ATRX: variants seen among roughly 807,000 people sequenced by gnomAD.
ATRX encodes ATRX chromatin remodeler.
A neutral mutation model predicts 172.6 loss-of-function variants in ATRX; 12 were observed. The observed-to-expected ratio is 0.07, with a 90% CI of 0.04 to 0.11. ATRX has a LOEUF of 0.11. ATRX is among the 10% of genes least tolerant of loss of function. The pLI is 1.00. For missense variants in ATRX, 1,368 were observed against 1,767.4 expected, an observed-to-expected ratio of 0.77 and a Z score of 4.05; for synonymous variants, 674 against 594.7, an observed-to-expected ratio of 1.13 and a Z score of -1.94.
intron 10 of ATRX, among the ~76,000 whole-genome samples, chrX:77,672,574 C>T (rs2070680995): frequency 2.7e-5 from 3 of 109,834 alleles, no homozygotes; most frequent in African/African-American, 9.9e-5. Flanking sequence ...AAATTATCAT[C>T]AAATGATACA....
intron 16 of ATRX, 113 bp downstream of exon 16, chrX:77,635,801 AC>A (rs2068320546): frequency 1.5e-6 from 1 of 669,436 alleles, no homozygotes; most frequent in East Asian, 3.5e-5. Context: ...TGGATTCCCC[AC>A]CCCACTCACC....
At chrX:77,663,834 G>A (rs1236204926) in intron 11 of ATRX, among the ~76,000 whole-genome samples, 2 of 111,651 alleles carry the variant, frequency 1.8e-5, no homozygotes, top group Admixed American at 1.9e-4. Flanking sequence ...GGGTGCAGTG[G>A]CTCACACCTG....
intron 1 of ATRX, among the ~76,000 whole-genome samples, chrX:77,775,400 T>G (rs2076312708): frequency 9.0e-6 from 1 of 111,665 alleles, no homozygotes; most frequent in Non-Finnish European, 1.9e-5. Context: ...AACAATCACA[T>G]GGCCAGGTTT....
chrX:77,718,880 C>T (rs891818928), intron 1 of ATRX, among the ~76,000 whole-genome samples: 1 of 111,340 alleles, frequency 9.0e-6, no homozygotes, highest in Non-Finnish European at 1.9e-5. Context: ...GCAATCCTCC[C>T]GCCTCAGCAT....
At position 77,615,962 on chromosome X, in the gene ATRX, G is replaced by A. The variant is rs45454595; in HGVS notation, c.5566+651C>T. 61 of 750,988 alleles carry A rather than the reference G, an allele frequency of 8.1e-5. No individual in the cohort carries two copies. In the African/African-American group the frequency reaches 1.4e-3, roughly 17 times the overall value. The allele number at this position is 750,988 out of a possible 1,213,427, so 61.9% of individuals were successfully genotyped here. On this transcript the variant is annotated intron_variant, in intron 22 of 34. Coordinates refer to ENST00000373344, the MANE Select transcript of ATRX (RefSeq NM_000489.6). ...GTAAGAAATCTCACTCCAGTCCAAAGATTAGGTTTTGTTGTGTGAAGACAG... is the reference window on the plus strand; with the variant it reads ...GTAAGAAATCTCACTCCAGTCCAAAAATTAGGTTTTGTTGTGTGAAGACAG...
intron 25 of ATRX, among the ~76,000 whole-genome samples, chrX:77,597,184 G>C (rs1420418114): frequency 9.1e-6 from 1 of 110,244 alleles, no homozygotes; most frequent in East Asian, 2.8e-4. Flanking sequence ...CTGTTTTATG[G>C]GGTAACAGAA....
At chrX:77,707,860 A>C (rs1228313797) in intron 2 of ATRX, among the ~76,000 whole-genome samples, 3 of 112,321 alleles carry the variant, frequency 2.7e-5, no homozygotes, top group Non-Finnish European at 3.8e-5. Flanking sequence ...GGCAGTTGAA[A>C]ACTAAAATCA....
At chrX:77,678,005 G>A (rs567465193) in intron 9 of ATRX, among the ~76,000 whole-genome samples, 1 of 110,859 alleles carries the variant, frequency 9.0e-6, no homozygotes, top group African/African-American at 3.3e-5. Context: ...TCAGGAGCTC[G>A]AGGCCAGCCT....
At chrX:77,528,920 A>G (rs1232983005) in intron 30 of ATRX, among the ~76,000 whole-genome samples, 1 of 112,252 alleles carries the variant, frequency 8.9e-6, no homozygotes, top group Non-Finnish European at 1.9e-5. Flanking sequence ...AATCACGATA[A>G]AACAATACAG....
intron 19 of ATRX, among the ~76,000 whole-genome samples, chrX:77,621,848 AAAC>A (rs1468398856): frequency 1.2e-3 from 128 of 108,840 alleles, no homozygotes; most frequent in South Asian, 7.1e-3. Flanking sequence ...TAGTAAAAAA[AAAC>A]AACAACAACA....
At chrX:77,564,050 T>A (rs782779054) in intron 28 of ATRX, among the ~76,000 whole-genome samples, 1 of 111,323 alleles carries the variant, frequency 9.0e-6, no homozygotes, top group South Asian at 3.8e-4. Flanking sequence ...CCTCAATGGG[T>A]AGGATGATGC....
At chrX:77,783,499 C>G (rs924046876) in intron 1 of ATRX, among the ~76,000 whole-genome samples, 4 of 111,705 alleles carry the variant, frequency 3.6e-5, no homozygotes, top group African/African-American at 1.3e-4. Flanking sequence ...CATTTTTCCA[C>G]CACAGAATCC....
At chrX:77,667,791 T>C (rs2070339681) in intron 10 of ATRX, among the ~76,000 whole-genome samples, 1 of 111,839 alleles carries the variant, frequency 8.9e-6, no homozygotes, top group Admixed American at 9.5e-5. Flanking sequence ...ACTGTAGAAG[T>C]ACAACTTAGC....
At chrX:77,694,820 T>C (rs1178511710) in intron 5 of ATRX, among the ~76,000 whole-genome samples, 1 of 100,462 alleles carries the variant, frequency 1.0e-5, no homozygotes, top group East Asian at 3.1e-4. Context: ...CTCTGAAATA[T>C]GGCTCTATGT....
chrX:77,728,031 ATG>A (rs200970570), intron 1 of ATRX: 2,521 of 111,130 alleles, frequency 0.023, 73 homozygotes, highest in African/African-American at 0.079. Flanking sequence ...TAGCGGTAGA[ATG>A]TGTTATGTAC....
intron 7 of ATRX, among the ~76,000 whole-genome samples, chrX:77,686,576 C>T (rs781827024): frequency 2.7e-4 from 30 of 109,317 alleles, no homozygotes; most frequent in African/African-American, 9.0e-4. Context: ...ATTAGCCGGG[C>T]GTGGTGGCAA....
chrX:77,567,276 G>C (rs781804096), intron 28 of ATRX, among the ~76,000 whole-genome samples: 1 of 110,731 alleles, frequency 9.0e-6, no homozygotes, highest in East Asian at 2.8e-4. Context: ...AAATATAAAC[G>C]GTCTATATAC....
At chrX:77,767,112 C>G (rs1213791965) in intron 1 of ATRX, among the ~76,000 whole-genome samples, 1 of 111,001 alleles carries the variant, frequency 9.0e-6, no homozygotes, top group African/African-American at 3.3e-5. Context: ...CGCAGGCACT[C>G]GGCAGGCTGA....
chrX:77,707,321 T>C (rs1322033130), intron 2 of ATRX, among the ~76,000 whole-genome samples: 2 of 112,504 alleles, frequency 1.8e-5, no homozygotes, highest in African/African-American at 6.5e-5. Flanking sequence ...TTACTTAACG[T>C]TACAGGACTG....
Sources: allele counts gnomAD v4.1 joint callset (sites outside exome capture counted in the v4.1 genomes callset), GRCh38; gene constraint gnomAD v4.1.1; transcripts MANE v1.5; gene names NCBI Gene and HGNC (gene_info 2026-07-23, HGNC 2026-07-21).